The following MTA3 variants were observed in gnomAD, a reference collection of about 807,000 sequenced individuals.
The protein encoded by MTA3 is metastasis associated 1 family member 3.
MTA3 carries 34 observed loss-of-function variants against 83.5 expected under a neutral mutation model. That is an observed-to-expected ratio of 0.41 (90% confidence interval 0.31 to 0.54). The LOEUF (loss-of-function observed/expected upper bound fraction) is 0.54, where lower values mean the gene tolerates loss of function less well. MTA3 is among the 20% of genes least tolerant of loss of function. MTA3 has a pLI of 0.33. For missense variants in MTA3, 761 were observed against 726.4 expected (o/e 1.05, Z -0.55); for synonymous variants, 303 against 252.7 (o/e 1.20, Z -1.89).
chr2:42,509,353 C>T (rs548394732), intron 2 of MTA3, among the ~76,000 whole-genome samples: 1 of 152,036 alleles, frequency 6.6e-6, no homozygotes, highest in Non-Finnish European at 1.5e-5. Flanking sequence ...TCACCTGTTA[C>T]TTATTTACCG....
At chr2:42,715,806 C>T (rs1666985541) in intron 14 of MTA3, among the ~76,000 whole-genome samples, 1 of 152,096 alleles carries the variant, frequency 6.6e-6, no homozygotes, top group Admixed American at 6.6e-5. Flanking sequence ...TCCTTTGGGT[C>T]ATCTAGACTG....
chr2:42,664,738 G>A (rs536153138), intron 8 of MTA3, among the ~76,000 whole-genome samples: 3 of 152,208 alleles, frequency 2.0e-5, no homozygotes, highest in East Asian at 1.9e-4. Context: ...CCTGCAGAGA[G>A]GGCAGGGTTG....
chr2:42,565,003 C>G (rs944056027), upstream of MTA3, among the ~76,000 whole-genome samples: 1 of 152,118 alleles, frequency 6.6e-6, no homozygotes, highest in Non-Finnish European at 1.5e-5. Flanking sequence ...GTCTCGAACT[C>G]CTGACCTCAT....
intron 3 of MTA3, among the ~76,000 whole-genome samples, chr2:42,590,640 G>A (rs1251236684): frequency 7.1e-6 from 1 of 141,236 alleles, no homozygotes; most frequent in Non-Finnish European, 1.5e-5. Flanking sequence ...TTTGTGAGGT[G>A]GAGTCTCGCT....
chr2:42,575,233 T>C (rs750092946), intron 2 of MTA3, among the ~76,000 whole-genome samples: 7 of 152,176 alleles, frequency 4.6e-5, no homozygotes, highest in Non-Finnish European at 1.0e-4. Flanking sequence ...CCCTCACCCC[T>C]TGCTCTTTTT....
At position 42,695,634 on chromosome 2, in the gene MTA3, CAAAAAAAAAA is replaced by C. The variant is rs70963347; in HGVS notation, c.892-113_892-104del. The C allele has an allele frequency of 6.3e-3, 820 of 130,780 alleles. 6 individuals are homozygous for C. The highest frequency in any genetic ancestry group is 9.6e-3 in the Admixed American group (42 of 4,362). The allele number at this position is 130,780 out of a possible 1,614,324, so 8.1% of individuals were successfully genotyped here. ...TGGGCAACAAAGTGACAGTCTATCT[CAAAAAAAAAA>C]AAAAAAAAAAAAAAAAAGAAAGTGG... On this transcript the variant is annotated intron_variant, in intron 9 of 16. Transcript: ENST00000405094.
intron 3 of MTA3, among the ~76,000 whole-genome samples, chr2:42,581,541 T>G (rs1368180206): frequency 2.6e-5 from 4 of 151,104 alleles, no homozygotes; most frequent in African/African-American, 9.7e-5. Flanking sequence ...CCTAGCTAAT[T>G]AAAAAACTTT....
intron 8 of MTA3, among the ~76,000 whole-genome samples, chr2:42,668,173 G>A (rs1285581618): frequency 3.9e-5 from 6 of 152,212 alleles, no homozygotes; most frequent in Admixed American, 3.9e-4. Context: ...TGGAACTGCA[G>A]TGGCTCCTCA....
chr2:42,721,522 T>C (rs1223264074), intron 15 of MTA3, among the ~76,000 whole-genome samples: 1 of 151,898 alleles, frequency 6.6e-6, no homozygotes, highest in Non-Finnish European at 1.5e-5. Flanking sequence ...AGAGACAGGG[T>C]TTCACCATGT....
At chr2:42,650,617 T>A (rs1294545625) in intron 6 of MTA3, among the ~76,000 whole-genome samples, 1 of 152,142 alleles carries the variant, frequency 6.6e-6, no homozygotes, top group African/African-American at 2.4e-5. Flanking sequence ...TTTTTTTGTA[T>A]TTTTAGTAGA....
chr2:42,516,592 A>G (rs1189676414), intron 2 of MTA3, among the ~76,000 whole-genome samples: 1 of 152,208 alleles, frequency 6.6e-6, no homozygotes, highest in Admixed American at 6.6e-5. Flanking sequence ...AAAGAAGGAA[A>G]TGGCTCACCG....
At chr2:42,615,060 G>T (rs1198846528) in intron 4 of MTA3, among the ~76,000 whole-genome samples, 3 of 151,770 alleles carry the variant, frequency 2.0e-5, no homozygotes, top group Admixed American at 6.6e-5. Flanking sequence ...GGAGGCCGAG[G>T]CAGGTGGATC....
At chr2:42,550,614 G>C (rs1677065290) in intron 2 of MTA3, among the ~76,000 whole-genome samples, 1 of 152,158 alleles carries the variant, frequency 6.6e-6, no homozygotes, top group African/African-American at 2.4e-5. Context: ...AGAGTACATG[G>C]GGAGAAAGGC....
chr2:42,595,285 TG>T (rs1443655122), intron 3 of MTA3, among the ~76,000 whole-genome samples: 1 of 136,262 alleles, frequency 7.3e-6, no homozygotes, highest in African/African-American at 2.7e-5. Context: ...AATTTTTTTG[TG>T]TTTTTAGTAG....
intron 2 of MTA3, among the ~76,000 whole-genome samples, chr2:42,540,152 T>G (rs181618158): frequency 4.0e-5 from 6 of 148,456 alleles, no homozygotes; most frequent in African/African-American, 1.2e-4. Context: ...CAGCCAATAG[T>G]GGGCATTAAC....
intron 16 of MTA3, 134 bp from the exon 17 acceptor site, chr2:42,753,239 AT>A: frequency 6.8e-7 from 1 of 1,480,002 alleles, no homozygotes; most frequent in East Asian, 2.5e-5. Flanking sequence ...TAGTCATGAG[AT>A]TTTCTTTGAC....
chr2:42,710,468 T>A (rs1281128590), intron 14 of MTA3, among the ~76,000 whole-genome samples: 3 of 150,540 alleles, frequency 2.0e-5, no homozygotes, highest in African/African-American at 7.3e-5. Context: ...GGAGAATTGC[T>A]TTAAACCGGG....
intron 15 of MTA3, among the ~76,000 whole-genome samples, chr2:42,719,897 T>C (rs1171453176): frequency 6.6e-6 from 1 of 152,216 alleles, no homozygotes; most frequent in Non-Finnish European, 1.5e-5. Flanking sequence ...TAATGGTTTT[T>C]CACATACCTA....
chr2:42,677,332 A>AT (rs1454512447), intron 8 of MTA3, among the ~76,000 whole-genome samples: 11 of 151,708 alleles, frequency 7.3e-5, no homozygotes, highest in African/African-American at 2.4e-4. Flanking sequence ...ATGAGATCTG[A>AT]TTTATTTTTT....
Sources: gnomAD v4.1 joint callset for allele counts (sites outside exome capture counted in the v4.1 genomes callset) on GRCh38, gnomAD v4.1.1 for gene constraint, MANE v1.5 for transcripts, NCBI Gene and HGNC (gene_info 2026-07-23, HGNC 2026-07-21) for gene names.